NEIL3: variants seen among roughly 807,000 people sequenced by gnomAD.
The protein encoded by NEIL3 is nei like DNA glycosylase 3.
Under a neutral mutation model 57.5 loss-of-function variants are expected in NEIL3, and 48 were observed. The observed-to-expected ratio is 0.83, with a 90% CI of 0.66 to 1.06. NEIL3 has a LOEUF of 1.06. NEIL3 is among the 50% of genes least tolerant of loss of function. The pLI is 0.00. For synonymous variants in NEIL3, 261 were observed against 253.2 expected, an observed-to-expected ratio of 1.03 and a Z score of -0.29; for missense variants, 717 against 739.1, an observed-to-expected ratio of 0.97 and a Z score of 0.35.
rs61100906 is a variant in NEIL3, at chr4:177,315,068, C to CAA, written c.156+4979_156+4980dup. On this transcript the variant is annotated intron_variant, in intron 1 of 9. Transcript: ENST00000264596. Reference sequence around the variant, plus strand: ...TGGGCAACAGAGCGAGACTCCGTCTCAAAAAAAAAAAAAAAAAAAAATGTG... The same window carrying CAA: ...TGGGCAACAGAGCGAGACTCCGTCTCAAAAAAAAAAAAAAAAAAAAAAATGTG... Among the ~76,000 whole-genome samples, 261 of 106,386 alleles carry CAA rather than the reference C, an allele frequency of 2.5e-3. 1 individual carries two copies. The highest frequency in any genetic ancestry group is 0.021 in the Middle Eastern group (4 of 194). 69.8% of individuals were successfully genotyped at this position (106,386 alleles called of 152,430 possible). A position where few individuals can be genotyped will look rare whatever the true frequency, so the allele number is the denominator to read the frequency against.
chr4:177,340,564 A>G (rs1735072100), intron 5 of NEIL3, among the ~76,000 whole-genome samples: 1 of 152,206 alleles, frequency 6.6e-6, no homozygotes, highest in Non-Finnish European at 1.5e-5. Context: ...AATGTGAATG[A>G]ACCTCTTGCT....
chr4:177,344,334 G>T, intron 6 of NEIL3, among the ~76,000 whole-genome samples: 1 of 152,158 alleles, frequency 6.6e-6, no homozygotes, highest in Non-Finnish European at 1.5e-5. Flanking sequence ...TTTTCTGGAT[G>T]AGTATTTGAT....
At chr4:177,341,402 C>T (rs1402302567) in intron 5 of NEIL3, 74 bp from the exon 6 acceptor site, 46 of 1,260,728 alleles carry the variant, frequency 3.6e-5, no homozygotes, top group Non-Finnish European at 4.6e-5. Context: ...AGGTGACTTT[C>T]GAGAATGTGT....
chr4:177,339,715 A>G lies in NEIL3; in HGVS notation c.628-68A>G. On this transcript the variant is annotated intron_variant, in intron 4 of 9. Coordinates refer to ENST00000264596, the MANE Select transcript of NEIL3 (RefSeq NM_018248.3). ...ACAGTTCTCTTTCACAGAATTGGCA[A>G]GGCGTATTATTTCTTACAGTAATGA... The G allele has an allele frequency of 3.0e-6, 3 of 994,904 alleles. No homozygotes were observed. In the South Asian group the frequency reaches 4.1e-5, roughly 13 times the overall value. 61.6% of individuals were successfully genotyped at this position (994,904 alleles called of 1,614,324 possible).
downstream of NEIL3, among the ~76,000 whole-genome samples, chr4:177,364,149 G>A (rs539701098): frequency 1.7e-4 from 26 of 152,142 alleles, no homozygotes; most frequent in South Asian, 1.3e-3. Context: ...TTAAAAGACA[G>A]CGTTCTTTCA....
At chr4:177,351,601 A>G (rs765799502) in intron 7 of NEIL3, 52 bp downstream of exon 7, 5 of 1,376,212 alleles carry the variant, frequency 3.6e-6, no homozygotes, top group African/African-American at 1.4e-5. Flanking sequence ...AGGGTTAATT[A>G]TACAAAGTCA....
At chr4:177,350,222 A>C (rs574456705) in intron 6 of NEIL3, among the ~76,000 whole-genome samples, 5 of 152,346 alleles carry the variant, frequency 3.3e-5, no homozygotes, top group Admixed American at 2.0e-4. Flanking sequence ...TCTGAAATGT[A>C]AGATACATAG....
chr4:177,357,272 A>G (rs1488006858), intron 8 of NEIL3, among the ~76,000 whole-genome samples: 1 of 152,218 alleles, frequency 6.6e-6, no homozygotes. Context: ...GAGTTAAACC[A>G]AGCTTGTCCA....
chr4:177,325,158 T>A (rs1353951542), intron 2 of NEIL3, among the ~76,000 whole-genome samples: 1 of 152,136 alleles, frequency 6.6e-6, no homozygotes, highest in Admixed American at 6.6e-5. Flanking sequence ...TTATTGGGGT[T>A]TAAGTATGAA....
At chr4:177,329,791 T>C (rs1030031326) in intron 2 of NEIL3, among the ~76,000 whole-genome samples, 1 of 152,196 alleles carries the variant, frequency 6.6e-6, no homozygotes, top group Non-Finnish European at 1.5e-5. Flanking sequence ...CTTAGCAAGA[T>C]TGACCAGATT....
chr4:177,366,703 A>G (rs942854235), downstream of NEIL3, among the ~76,000 whole-genome samples: 2 of 152,138 alleles, frequency 1.3e-5, no homozygotes, highest in Admixed American at 6.5e-5. Flanking sequence ...CAGGCCTCCA[A>G]TACTTTTTCA....
At chr4:177,342,710 A>T (rs1735121063) in intron 6 of NEIL3, among the ~76,000 whole-genome samples, 1 of 152,244 alleles carries the variant, frequency 6.6e-6, no homozygotes, top group South Asian at 2.1e-4. Flanking sequence ...TAGAATTTTG[A>T]TTAAACGATA....
chr4:177,310,020 G>A lies in NEIL3; in HGVS notation c.67G>A (p.Ala23Thr), dbSNP rs534406571. 2.5e-6 allele frequency: 4 copies of A among 1,610,654 alleles called. No individual in the cohort carries two copies. In the South Asian group the frequency reaches 3.3e-5, roughly 13 times the overall value. ...TCGCGCGCGGGTGCTCCCGGGCCAG[G>A]CGGTGACCGGCGTGCGGGGAAGCGC... ...KIRARVLPGQAVTGVRGSALR... is the reference protein window; with the variant it reads ...KIRARVLPGQTVTGVRGSALR... The change falls in exon 1 of 10, where the codon GCG becomes ACG. Residue 23 changes from alanine (A) to threonine (T), a missense_variant. Physicochemically the swap from Ala to Thr is moderately conservative, Grantham distance 58. Transcript: ENST00000264596.
Position 177,310,132 on chromosome 4 carries a change from C to T in NEIL3, c.156+23C>T, listed in dbSNP as rs1734449563. The stretch of plus-strand genomic sequence containing the variant: ...CAGGTGAGCTACTCCTGTAACAGGC[C>T]ATGCAGTCAGCAGGGGGGAAATGGA... On this transcript the variant is annotated intron_variant, in intron 1 of 9. Coordinates refer to ENST00000264596, the MANE Select transcript of NEIL3 (RefSeq NM_018248.3). The T allele has an allele frequency of 3.3e-6, 5 of 1,536,046 alleles. No homozygotes were observed. In the Admixed American group the frequency reaches 9.3e-5, roughly 28 times the overall value.
intron 2 of NEIL3, among the ~76,000 whole-genome samples, 189 bp from the exon 3 acceptor site, chr4:177,335,499 C>T (rs1054068203): frequency 6.6e-6 from 1 of 151,972 alleles, no homozygotes. Context: ...TGTCTTCTAT[C>T]TTTATAAGGA....
chr4:177,331,890 T>TAAA (rs1734891797), intron 2 of NEIL3, among the ~76,000 whole-genome samples: 1 of 152,220 alleles, frequency 6.6e-6, no homozygotes, highest in Admixed American at 6.5e-5. Flanking sequence ...ACTGCTACTT[T>TAAA]ATGCCTTGTG....
chr4:177,329,289 A>G (rs1195490776), intron 2 of NEIL3, among the ~76,000 whole-genome samples: 1 of 152,168 alleles, frequency 6.6e-6, no homozygotes, highest in Non-Finnish European at 1.5e-5. Flanking sequence ...TAATCTAACC[A>G]TCCCAATTAT....
chr4:177,353,685 T>TC lies in NEIL3; in HGVS notation c.1418dup (p.Ser474IlefsTer5). 6.2e-7 allele frequency: 1 copy of TC among 1,612,960 alleles called. No individual in the cohort carries two copies. Among genetic ancestry groups the TC allele is most frequent in the Non-Finnish European group, 8.5e-7 (1 of 1,179,674 alleles). On this transcript the variant is annotated frameshift_variant, in exon 8 of 10. Coordinates refer to ENST00000264596, the MANE Select transcript of NEIL3 (RefSeq NM_018248.3). LOFTEE classifies it high-confidence loss of function. ...TAAAAAACCGAAAACAGCCCAATAC[T>TC]CATCACCAGAGCTTAAAAGCTGCAA...
At chr4:177,345,987 G>A (rs2110919595) in intron 6 of NEIL3, among the ~76,000 whole-genome samples, 1 of 152,082 alleles carries the variant, frequency 6.6e-6, no homozygotes, top group African/African-American at 2.4e-5. Context: ...CACCACACCA[G>A]CCAAGTTTTT....
Sources: allele counts gnomAD v4.1 joint callset (sites outside exome capture counted in the v4.1 genomes callset), GRCh38; gene constraint gnomAD v4.1.1; transcripts MANE v1.5; gene names NCBI Gene and HGNC (gene_info 2026-07-23, HGNC 2026-07-21).